The following FAM149A variants were observed in gnomAD, a reference collection of about 807,000 sequenced individuals.
FAM149A encodes family with sequence similarity 149 member A, also known as protein FAM149A.
Under a neutral mutation model 78.2 loss-of-function variants are expected in FAM149A, and 71 were observed. The ratio of observed to expected loss-of-function variants is 0.91; its 90% CI spans 0.75 to 1.11. The LOEUF is 1.11. FAM149A is among the 50% of genes least tolerant of loss of function. FAM149A has a pLI of 0.00. For synonymous variants in FAM149A, 446 were observed against 410.5 expected, an observed-to-expected ratio of 1.09 and a Z score of -1.04; for missense variants, 1,036 against 971.0, an observed-to-expected ratio of 1.07 and a Z score of -0.89.
At chr4:186,146,371 A>C (rs1028113246) in intron 1 of FAM149A, 1 of 674,660 alleles carries the variant, frequency 1.5e-6, no homozygotes, top group Non-Finnish European at 1.8e-6. Flanking sequence ...CCAACTTCCC[A>C]TTTCCCCCTG....
intron 1 of FAM149A, among the ~76,000 whole-genome samples, chr4:186,143,722 G>T (rs540079382): frequency 2.0e-4 from 30 of 151,518 alleles, no homozygotes; most frequent in African/African-American, 7.3e-4. Context: ...TAGAGACTGG[G>T]GTTTCACCAT....
chr4:186,155,018 A>T, intron 6 of FAM149A: 1 of 857,712 alleles, frequency 1.2e-6, no homozygotes, highest in Non-Finnish European at 1.4e-6. Flanking sequence ...GCTAGAGTGC[A>T]GCCGTGCGAG....
chr4:186,126,303 C>T (rs1194830883), intron 1 of FAM149A, among the ~76,000 whole-genome samples: 1 of 152,190 alleles, frequency 6.6e-6, no homozygotes, highest in African/African-American at 2.4e-5. Flanking sequence ...CTCAGCTTCT[C>T]TACCATATGG....
intron 1 of FAM149A, among the ~76,000 whole-genome samples, chr4:186,107,239 A>G (rs1286529090): frequency 1.3e-5 from 2 of 152,242 alleles, no homozygotes; most frequent in African/African-American, 2.4e-5. Context: ...AATATGCAGC[A>G]TGGCCAGTGA....
At chr4:186,118,694 G>A (rs1048326406) in intron 1 of FAM149A, among the ~76,000 whole-genome samples, 1 of 152,112 alleles carries the variant, frequency 6.6e-6, no homozygotes, top group Non-Finnish European at 1.5e-5. Context: ...ACCGGGCTAA[G>A]CAATATTCAG....
chr4:186,126,692 T>C (rs1442597655), intron 1 of FAM149A, among the ~76,000 whole-genome samples: 1 of 152,080 alleles, frequency 6.6e-6, no homozygotes, highest in African/African-American at 2.4e-5. Flanking sequence ...ACCCCCCTGG[T>C]TCTCAGATCT....
intron 8 of FAM149A, chr4:186,158,434 C>A (rs945078579): frequency 2.6e-6 from 3 of 1,158,296 alleles, no homozygotes; most frequent in Non-Finnish European, 3.2e-6. Flanking sequence ...TCTGGGCATG[C>A]GTGACACCAT....
In FAM149A at chr4:186,104,890, G is replaced by C; in HGVS notation, c.-187G>C. 1.1e-6 allele frequency: 1 copy of C among 900,500 alleles called. No individual in the cohort carries two copies. The highest frequency in any genetic ancestry group is 1.3e-6 in the Non-Finnish European group (1 of 752,340). The allele number at this position is 900,500 out of a possible 1,614,324, so 55.8% of individuals were successfully genotyped here. A position where few individuals can be genotyped will look rare whatever the true frequency, so the allele number is the denominator to read the frequency against. ...GCCGGGGCGCTCGGCGGACGGACCC[G>C]GGCCGGGGAAGGGCGACCCCAGCGG... On this transcript the variant is annotated 5_prime_UTR_variant, in exon 1 of 14. Transcript: ENST00000389354.
At position 186,163,591 on chromosome 4, in the gene FAM149A, C is replaced by T. The variant is rs1734786706; in HGVS notation, c.1847C>T (p.Thr616Ile). Residue 616 changes from threonine to isoleucine, a missense_variant, in exon 10 of 14, where the codon ACT becomes ATT. Transcript: ENST00000389354. ...GCTTCAGATTCACAGAGACTAAAAA[C>T]TCCCAACATCTATAGTGACGAAGTT... The T allele has an allele frequency of 6.2e-7, 1 of 1,614,194 alleles. No individual in the cohort carries two copies. The highest frequency in any genetic ancestry group is 8.5e-7 in the Non-Finnish European group (1 of 1,180,022).
At chr4:186,153,823 T>C (rs1308916099) in intron 5 of FAM149A, 53 bp downstream of exon 5, 12 of 1,551,720 alleles carry the variant, frequency 7.7e-6, no homozygotes, top group East Asian at 2.3e-5. Context: ...ATTTTAGTTA[T>C]ACTTTTTCAT....
intron 1 of FAM149A, among the ~76,000 whole-genome samples, chr4:186,118,793 G>A (rs1437085902): frequency 2.0e-5 from 3 of 152,164 alleles, no homozygotes; most frequent in African/African-American, 4.8e-5. Flanking sequence ...GTCTTTGAGC[G>A]CTGCGGTCAT....
At chr4:186,170,125 C>T (rs1264248334) in intron 13 of FAM149A, among the ~76,000 whole-genome samples, 1 of 152,230 alleles carries the variant, frequency 6.6e-6, no homozygotes, top group African/African-American at 2.4e-5. Flanking sequence ...CCTGGAGCTC[C>T]ATGCAGCTCG....
intron 2 of FAM149A, 103 bp downstream of exon 2, chr4:186,149,386 G>A (rs1733293947): frequency 6.0e-6 from 7 of 1,165,482 alleles, no homozygotes; most frequent in Non-Finnish European, 7.7e-6. Context: ...GTAAGATGCA[G>A]TTTTATTTTT....
chr4:186,140,289 A>C (rs756389853), intron 1 of FAM149A, among the ~76,000 whole-genome samples: 69 of 152,130 alleles, frequency 4.5e-4, no homozygotes, highest in South Asian at 8.3e-4. Context: ...ACATAATCAC[A>C]TATACCACTT....
intron 1 of FAM149A, chr4:186,123,987 C>T (rs2099317167): frequency 4.1e-6 from 4 of 985,178 alleles, no homozygotes; most frequent in Non-Finnish European, 4.8e-6. Flanking sequence ...CTAAAATTTT[C>T]TAATGTGTGA....
chr4:186,154,997 C>T, intron 6 of FAM149A: 1 of 955,598 alleles, frequency 1.0e-6, no homozygotes, highest in Non-Finnish European at 1.2e-6. Context: ...GAGTCTCGCT[C>T]TGTCGCCCAG....
chr4:186,161,385 T>C (rs927130826), intron 8 of FAM149A, among the ~76,000 whole-genome samples: 10 of 152,130 alleles, frequency 6.6e-5, no homozygotes, highest in African/African-American at 1.7e-4. Context: ...CGGGGAGCAG[T>C]GGGGAGAACA....
chr4:186,133,794 G>A (rs1057175576), intron 1 of FAM149A, among the ~76,000 whole-genome samples: 4 of 152,048 alleles, frequency 2.6e-5, no homozygotes, highest in African/African-American at 9.7e-5. Context: ...GTACCAGGGA[G>A]GACAGGCATG....
chr4:186,110,146 G>C, intron 1 of FAM149A: 2 of 985,352 alleles, frequency 2.0e-6, no homozygotes, highest in Non-Finnish European at 2.4e-6. Flanking sequence ...AAGACATTTA[G>C]CAAATATTTA....
Sources: allele counts gnomAD v4.1 joint callset (sites outside exome capture counted in the v4.1 genomes callset), GRCh38; gene constraint gnomAD v4.1.1; transcripts MANE v1.5; gene names NCBI Gene and HGNC (gene_info 2026-07-23, HGNC 2026-07-21).